The following CABCOCO1 variants were observed in gnomAD, a reference collection of about 807,000 sequenced individuals.
The protein encoded by CABCOCO1 is ciliary-associated calcium-binding coiled-coil protein 1.
Under a neutral mutation model 35.7 loss-of-function variants are expected in CABCOCO1, and 28 were observed. That is an observed-to-expected ratio of 0.78 (90% CI 0.58 to 1.07). The LOEUF (loss-of-function observed/expected upper bound fraction) is 1.07, where lower values mean the gene tolerates loss of function less well. CABCOCO1 is among the 50% of genes least tolerant of loss of function. The pLI is 0.00. For missense variants in CABCOCO1, 326 were observed against 309.2 expected, an observed-to-expected ratio of 1.05 and a Z score of -0.41; for synonymous variants, 95 against 100.1, an observed-to-expected ratio of 0.95 and a Z score of 0.30.
intron 5 of CABCOCO1, among the ~76,000 whole-genome samples, chr10:61,729,866 A>G (rs146637382): frequency 1.3e-3 from 194 of 152,292 alleles, no homozygotes; most frequent in African/African-American, 4.5e-3. Flanking sequence ...AGTTACAGAA[A>G]GGCAAATTCT....
At chr10:61,714,254 C>T (rs1814433545) in intron 5 of CABCOCO1, among the ~76,000 whole-genome samples, 1 of 152,038 alleles carries the variant, frequency 6.6e-6, no homozygotes, top group African/African-American at 2.4e-5. Flanking sequence ...TCTATGTGTC[C>T]AGGAATATAT....
At chr10:61,721,593 G>C (rs1841023597) in intron 5 of CABCOCO1, among the ~76,000 whole-genome samples, 1 of 152,188 alleles carries the variant, frequency 6.6e-6, no homozygotes, top group African/African-American at 2.4e-5. Context: ...AGCCACAAAA[G>C]AGGAACTGAA....
intron 5 of CABCOCO1, among the ~76,000 whole-genome samples, chr10:61,704,409 T>C (rs1840545119): frequency 6.6e-6 from 1 of 152,174 alleles, no homozygotes; most frequent in African/African-American, 2.4e-5. Context: ...TCTCTTGATC[T>C]CTCTCTTGCA....
intron 5 of CABCOCO1, among the ~76,000 whole-genome samples, chr10:61,758,272 C>A (rs1841939399): frequency 6.6e-6 from 1 of 151,980 alleles, no homozygotes. Context: ...ATTTATTTTA[C>A]CTATAATGTT....
chr10:61,667,182 A>G (rs1839211755), intron 1 of CABCOCO1, among the ~76,000 whole-genome samples: 2 of 145,802 alleles, frequency 1.4e-5, no homozygotes, highest in African/African-American at 2.5e-5. Context: ...CATTTTACAT[A>G]TTATATATAA....
At chr10:61,764,818 T>C (rs1255148349) in intron 7 of CABCOCO1, among the ~76,000 whole-genome samples, 1 of 152,082 alleles carries the variant, frequency 6.6e-6, no homozygotes, top group Non-Finnish European at 1.5e-5. Context: ...GAACCCAGAA[T>C]TGTTGGCACA....
chr10:61,734,219 G>T (rs1040601043), intron 5 of CABCOCO1, among the ~76,000 whole-genome samples: 1 of 151,934 alleles, frequency 6.6e-6, no homozygotes, highest in Non-Finnish European at 1.5e-5. Context: ...TATGTGGCAC[G>T]TGCACACTCA....
At chr10:61,751,363 A>T (rs1841780934) in intron 5 of CABCOCO1, among the ~76,000 whole-genome samples, 1 of 152,016 alleles carries the variant, frequency 6.6e-6, no homozygotes, top group Non-Finnish European at 1.5e-5. Context: ...TCCTTCAAAA[A>T]ATAGAAGGGC....
chr10:61,712,676 T>C lies in CABCOCO1; in HGVS notation c.552+22055T>C, dbSNP rs931346760. On this transcript the variant is annotated intron_variant, in intron 5 of 7. Transcript: ENST00000648843. ...GTCTTTAATCCATCTTGAAATAATTTATGTATAAGGTGTAATTAAGGGATT... is the reference window on the plus strand; with the variant it reads ...GTCTTTAATCCATCTTGAAATAATTCATGTATAAGGTGTAATTAAGGGATT... 2.0e-5 allele frequency among the ~76,000 whole-genome samples: 3 copies of C among 152,368 alleles called. No individual in the cohort carries two copies. In the East Asian group the frequency reaches 5.8e-4, roughly 29 times the overall value.
At chr10:61,691,045 A>G (rs1840124912) in intron 5 of CABCOCO1, among the ~76,000 whole-genome samples, 1 of 152,116 alleles carries the variant, frequency 6.6e-6, no homozygotes, top group South Asian at 2.1e-4. Context: ...TTTAGATCCC[A>G]CTTCCTCAGT....
chr10:61,667,584 G>A (rs913193400), intron 1 of CABCOCO1, among the ~76,000 whole-genome samples: 2 of 151,450 alleles, frequency 1.3e-5, no homozygotes, highest in Non-Finnish European at 3.0e-5. Flanking sequence ...AATTTTTATA[G>A]TTTTATAATT....
chr10:61,683,584 A>T (rs1166095748), intron 3 of CABCOCO1, among the ~76,000 whole-genome samples: 2 of 151,896 alleles, frequency 1.3e-5, no homozygotes, highest in Non-Finnish European at 2.9e-5. Flanking sequence ...ATAAAAAGAG[A>T]CTCAGGTCAC....
chr10:61,715,002 G>A (rs1044503715), intron 5 of CABCOCO1, among the ~76,000 whole-genome samples: 2 of 152,174 alleles, frequency 1.3e-5, no homozygotes, highest in Non-Finnish European at 1.5e-5. Flanking sequence ...ATTTGGGGTG[G>A]AGAGTTCTGC....
At chr10:61,696,351 A>G (rs770365719) in intron 5 of CABCOCO1, among the ~76,000 whole-genome samples, 37 of 152,146 alleles carry the variant, frequency 2.4e-4, no homozygotes, top group Admixed American at 2.2e-3. Context: ...AACTATAGTA[A>G]TAAATATGAG....
Position 61,686,085 on chromosome 10 carries a change from G to T in CABCOCO1, c.379G>T (p.Val127Phe), listed in dbSNP as rs1839950476. ...LEESIKWLGE[V>F]MAEIGPTHSQ... Reference sequence around the variant, plus strand: ...GGAAAGCATAAAATGGCTTGGAGAAGTTATGGCTGAAATAGGACCAACACA... The same window carrying T: ...GGAAAGCATAAAATGGCTTGGAGAATTTATGGCTGAAATAGGACCAACACA... Residue 127 changes from valine to phenylalanine, a missense_variant, in exon 4 of 8, where the codon GTT (valine) becomes TTT (phenylalanine). Physicochemically the swap from Val to Phe is conservative, Grantham distance 50. Transcript: ENST00000648843. 6.2e-7 allele frequency: 1 copy of T among 1,608,134 alleles called. No individual in the cohort carries two copies. The highest frequency in any genetic ancestry group is 1.3e-5 in the African/African-American group (1 of 74,598).
chr10:61,736,773 G>A (rs1841425886), intron 5 of CABCOCO1, among the ~76,000 whole-genome samples: 1 of 152,160 alleles, frequency 6.6e-6, no homozygotes, highest in Non-Finnish European at 1.5e-5. Flanking sequence ...TTATCCATGA[G>A]CATGGGATGT....
At chr10:61,713,419 G>C (rs563960288) in intron 5 of CABCOCO1, among the ~76,000 whole-genome samples, 6 of 152,312 alleles carry the variant, frequency 3.9e-5, no homozygotes, top group African/African-American at 1.4e-4. Context: ...GGGCTGAAAC[G>C]ATGGGGTTTT....
intron 5 of CABCOCO1, among the ~76,000 whole-genome samples, chr10:61,695,305 A>G (rs948209437): frequency 4.6e-5 from 7 of 152,092 alleles, no homozygotes; most frequent in Admixed American, 3.9e-4. Context: ...CAAAAAAAAA[A>G]AATCTAAAAT....
chr10:61,715,991 G>A, intron 5 of CABCOCO1, among the ~76,000 whole-genome samples: 1 of 151,444 alleles, frequency 6.6e-6, no homozygotes, highest in South Asian at 2.1e-4. Flanking sequence ...TATGTTTCTT[G>A]GGGTTGCTTT....
Sources: gnomAD v4.1 joint callset for allele counts (sites outside exome capture counted in the v4.1 genomes callset) on GRCh38, gnomAD v4.1.1 for gene constraint, MANE v1.5 for transcripts, NCBI Gene and HGNC (gene_info 2026-07-23, HGNC 2026-07-21) for gene names.